GRID2: variants seen among roughly 807,000 people sequenced by gnomAD.
GRID2 encodes glutamate receptor ionotropic, delta-2.
A neutral mutation model predicts 114.8 loss-of-function variants in GRID2; 33 were observed. The ratio of observed to expected loss-of-function variants is 0.29; its 90% confidence interval spans 0.22 to 0.38. GRID2 has a LOEUF of 0.38. Among genes scored for constraint, GRID2 ranks in the 10% least tolerant of loss-of-function variants. The probability of loss-of-function intolerance (pLI) is 1.00; values close to 1 mark genes in which losing one functional copy is unlikely to be tolerated. For synonymous variants in GRID2, 505 were observed against 449.9 expected (o/e 1.12, Z -1.55); for missense variants, 1,184 against 1,257.7 (o/e 0.94, Z 0.89).
chr4:92,564,723 G>A (rs1325114558), intron 1 of GRID2, among the ~76,000 whole-genome samples: 2 of 151,888 alleles, frequency 1.3e-5, no homozygotes, highest in African/African-American at 4.8e-5. Context: ...GTTAAAGGGG[G>A]TTAACCAATA....
At chr4:92,560,047 T>A (rs1446158062) in intron 1 of GRID2, among the ~76,000 whole-genome samples, 1 of 152,216 alleles carries the variant, frequency 6.6e-6, no homozygotes, top group Non-Finnish European at 1.5e-5. Context: ...CTTATATCAT[T>A]ACTAAATAAT....
chr4:92,765,982 A>T (rs752916386), intron 2 of GRID2, among the ~76,000 whole-genome samples: 1 of 152,146 alleles, frequency 6.6e-6, no homozygotes, highest in Non-Finnish European at 1.5e-5. Flanking sequence ...CTGACCTAGA[A>T]ATAGACTGAC....
chr4:93,754,929 A>T (rs1732616427), intron 14 of GRID2, among the ~76,000 whole-genome samples: 1 of 152,140 alleles, frequency 6.6e-6, no homozygotes, highest in Non-Finnish European at 1.5e-5. Flanking sequence ...CCCTCTGACA[A>T]TTGTTATCAG....
At chr4:92,328,052 T>G (rs2110138172) in intron 1 of GRID2, among the ~76,000 whole-genome samples, 1 of 152,116 alleles carries the variant, frequency 6.6e-6, no homozygotes, top group East Asian at 1.9e-4. Flanking sequence ...TGATAAATGC[T>G]CATTCATTTG....
At chr4:92,542,053 A>G (rs886689958) in intron 1 of GRID2, among the ~76,000 whole-genome samples, 6 of 152,184 alleles carry the variant, frequency 3.9e-5, no homozygotes, top group African/African-American at 1.2e-4. Flanking sequence ...CCATATCACA[A>G]TGTAATAACT....
intron 8 of GRID2, chr4:93,302,599 A>G: frequency 2.2e-6 from 1 of 456,220 alleles, no homozygotes; most frequent in Non-Finnish European, 4.4e-6. Flanking sequence ...TTCATTTTCA[A>G]GTAATTTGAC....
At chr4:93,783,127 T>C (rs1385348194) in intron 1 of GRID2, among the ~76,000 whole-genome samples, 4 of 152,346 alleles carry the variant, frequency 2.6e-5, no homozygotes, top group South Asian at 2.1e-4. Context: ...AACAAGCAAG[T>C]CGCTAATTTC....
At chr4:93,134,027 A>G (rs1181446271) in intron 4 of GRID2, among the ~76,000 whole-genome samples, 3 of 152,178 alleles carry the variant, frequency 2.0e-5, no homozygotes, top group Non-Finnish European at 4.4e-5. Context: ...CATCTAATGC[A>G]GGATTAATGC....
chr4:92,744,819 A>C (rs1326338189), intron 2 of GRID2, among the ~76,000 whole-genome samples: 1 of 152,162 alleles, frequency 6.6e-6, no homozygotes, highest in African/African-American at 2.4e-5. Context: ...ATCGTTATTT[A>C]TCTCTTATGT....
chr4:92,374,871 G>A (rs142608878), intron 1 of GRID2, among the ~76,000 whole-genome samples: 4 of 152,236 alleles, frequency 2.6e-5, no homozygotes, highest in South Asian at 4.1e-4. Context: ...AGGATGAAAC[G>A]TGGTAGGTTC....
At chr4:92,496,277 T>C (rs927411819) in intron 1 of GRID2, among the ~76,000 whole-genome samples, 1 of 151,916 alleles carries the variant, frequency 6.6e-6, no homozygotes, top group Non-Finnish European at 1.5e-5. Context: ...TCTTTGTGGA[T>C]GTCAGAAATC....
At chr4:93,338,853 T>A (rs896004159) in intron 8 of GRID2, among the ~76,000 whole-genome samples, 10 of 152,204 alleles carry the variant, frequency 6.6e-5, no homozygotes, top group African/African-American at 2.4e-4. Flanking sequence ...CCTTTTTTCC[T>A]GGTATTCAGC....
intron 2 of GRID2, among the ~76,000 whole-genome samples, chr4:92,874,642 T>C (rs552066604): frequency 1.3e-5 from 2 of 152,306 alleles, no homozygotes; most frequent in African/African-American, 4.8e-5. Context: ...GAGTAAAGGT[T>C]AGAATTTAAA....
intron 8 of GRID2, among the ~76,000 whole-genome samples, chr4:93,352,636 C>A (rs17020487): frequency 6.6e-6 from 1 of 151,970 alleles, no homozygotes; most frequent in Non-Finnish European, 1.5e-5. Flanking sequence ...ATTGAATGAT[C>A]TTAATAAGAA....
intron 1 of GRID2, among the ~76,000 whole-genome samples, chr4:92,390,351 C>A (rs1579285349): frequency 6.6e-6 from 1 of 152,050 alleles, no homozygotes; most frequent in South Asian, 2.1e-4. Flanking sequence ...TCAGATCTAA[C>A]TTTTATTCCC....
intron 2 of GRID2, among the ~76,000 whole-genome samples, chr4:92,791,628 T>C (rs906785374): frequency 1.3e-5 from 2 of 151,848 alleles, no homozygotes; most frequent in Admixed American, 1.3e-4. Context: ...AATGAAAATA[T>C]AATAAGGAAA....
intron 1 of GRID2, among the ~76,000 whole-genome samples, chr4:92,346,688 G>GA (rs1172122850): frequency 1.6e-4 from 24 of 152,194 alleles, no homozygotes; most frequent in African/African-American, 5.3e-4. Flanking sequence ...ATATCAGGGA[G>GA]AAAATCAACA....
chr4:92,327,218 G>C (rs954166085), intron 1 of GRID2, among the ~76,000 whole-genome samples: 1 of 151,872 alleles, frequency 6.6e-6, no homozygotes. Flanking sequence ...TCACTAATAG[G>C]CTCAGTGTCT....
chr4:93,634,931 GCTGTCTTACTTCTCCTTTT>G (rs1721280302), intron 14 of GRID2, among the ~76,000 whole-genome samples: 1 of 113,258 alleles, frequency 8.8e-6, no homozygotes, highest in Admixed American at 9.0e-5. Flanking sequence ...ACTTCTTCCA[GCTGTCTTACTTCTCCTTTT>G]CTTGGTCATC....
Sources: allele counts gnomAD v4.1 joint callset (sites outside exome capture counted in the v4.1 genomes callset), GRCh38; gene constraint gnomAD v4.1.1; transcripts MANE v1.5; gene names NCBI Gene and HGNC (gene_info 2026-07-23, HGNC 2026-07-21).